ADGRF3: variants seen among roughly 807,000 people sequenced by gnomAD.
The protein encoded by ADGRF3 is adhesion G protein-coupled receptor F3.
Under a neutral mutation model 93.2 loss-of-function variants are expected in ADGRF3, and 85 were observed. The ratio of observed to expected loss-of-function variants is 0.91; its 90% confidence interval spans 0.77 to 1.09. ADGRF3 has a LOEUF of 1.09. Among genes scored for constraint, ADGRF3 ranks in the 50% least tolerant of loss-of-function variants. The pLI is 0.00. For synonymous variants in ADGRF3, 534 were observed against 532.5 expected, an observed-to-expected ratio of 1.00 and a Z score of -0.04; for missense variants, 1,125 against 1,246.2, an observed-to-expected ratio of 0.90 and a Z score of 1.46.
At chr2:26,323,633 G>T (rs371334785) in intron 1 of ADGRF3, among the ~76,000 whole-genome samples, 29 of 138,862 alleles carry the variant, frequency 2.1e-4, no homozygotes, top group East Asian at 4.3e-4. Flanking sequence ...TTCTGTGTTT[G>T]TTTTTTTTTT....
In ADGRF3 at chr2:26,310,679, C is replaced by G; in HGVS notation, c.2832+13G>C. On this transcript the variant is annotated intron_variant, in intron 10 of 13. Coordinates refer to ENST00000651242, the MANE Select transcript of ADGRF3 (RefSeq NM_001321971.2). ...AAAAAAGCAAAAAACACAGCCACCC[C>G]CCTATCACCTACCTGGAGGGTGTTG... 5.0e-6 allele frequency: 8 copies of G among 1,604,010 alleles called. No homozygotes were observed. The highest frequency in any genetic ancestry group is 6.8e-6 in the Non-Finnish European group (8 of 1,175,314).
At position 26,314,413 on chromosome 2, in the gene ADGRF3, C is replaced by A. The variant is rs1395989685; in HGVS notation, c.928+1G>T. ...CCCTGACTGCTGGCCCCTTCTCATA[C>A]CTTTGCTGCCCTCTCCAGGGCTCCA... On this transcript the variant is annotated splice_donor_variant, in intron 6 of 13. Transcript: ENST00000651242. LOFTEE classifies it high-confidence loss of function. 1 of 1,611,802 alleles carries A rather than the reference C, an allele frequency of 6.2e-7. No homozygotes were observed. The highest frequency in any genetic ancestry group is 1.7e-5 in the Admixed American group (1 of 59,964).
rs1272083011 is a variant in ADGRF3 at position 26,317,007 on chromosome 2, G to T, written c.230C>A (p.Thr77Asn). ...TGTCCTGGAGAGTTCAGGGGGCCAG[G>T]TCTTATCTGGAAAGTCCAGATGTAC... Reference protein sequence around the residue: ...VYVHLDFPDKTWPPELSRTLT... With the variant: ...VYVHLDFPDKNWPPELSRTLT... Residue 77 changes from threonine (T) to asparagine (N), a missense_variant, in exon 3 of 14, where the codon ACC (threonine) becomes AAC (asparagine). Physicochemically the swap from Thr to Asn is moderately conservative, Grantham distance 65. Transcript: ENST00000651242. The T allele has an allele frequency of 6.2e-7, 1 of 1,613,016 alleles. No individual in the cohort carries two copies. Among genetic ancestry groups the T allele is most frequent in the African/African-American group, 1.3e-5 (1 of 74,976 alleles).
At chr2:26,319,123 A>G in intron 1 of ADGRF3, 1 of 1,462,586 alleles carries the variant, frequency 6.8e-7, no homozygotes, top group African/African-American at 1.4e-5. Context: ...CAGTGTGCAG[A>G]TGGGATGGGA....
Position 26,309,614 on chromosome 2 carries a change from C to A in ADGRF3, c.2938-33G>T, listed in dbSNP as rs765883598. The stretch of plus-strand genomic sequence containing the variant: ...GGGGTGGGAAGGCCCAATTGCAGGG[C>A]AGTTATTAGTATTGTCAACTCTCCC... On this transcript the variant is annotated intron_variant, in intron 12 of 13. Transcript: ENST00000651242. The A allele has an allele frequency of 2.5e-6, 4 of 1,606,984 alleles. No homozygotes were observed. The Admixed American group carries it at 5.1e-5, about 20-fold the overall frequency.
At chr2:26,341,571 A>C (rs564896051) in intron 1 of ADGRF3, among the ~76,000 whole-genome samples, 1 of 152,134 alleles carries the variant, frequency 6.6e-6, no homozygotes, top group African/African-American at 2.4e-5. Flanking sequence ...ATTCTTACCT[A>C]AGAGGATTAT....
rs758448360 is a variant in ADGRF3, at chr2:26,314,505, A to G, written c.837T>C (p.Cys279=). ...TCAGCTGGAAGCCAGGGGAGGTGGC[A>G]CAGGAGATGGACAGCTGGTATGGAA... ...ARLPYQLSIS[C]ATSPGFQLSC... is the part of the protein sequence containing the mutation. Residue 279 remains cysteine (C), a synonymous_variant, in exon 6 of 14, where the codon TGT becomes TGC. Transcript: ENST00000651242. 5.0e-6 allele frequency: 8 copies of G among 1,614,062 alleles called. No homozygotes were observed. The highest frequency in any genetic ancestry group is 2.2e-5 in the East Asian group (1 of 44,890).
intron 1 of ADGRF3, among the ~76,000 whole-genome samples, chr2:26,327,061 T>A (rs1364517065): frequency 1.3e-5 from 2 of 152,240 alleles, no homozygotes; most frequent in African/African-American, 2.4e-5. Flanking sequence ...TGAGCCACCA[T>A]GCTTGGCCAA....
chr2:26,339,494 TCAAA>T lies in ADGRF3; in HGVS notation c.114+6623_114+6626del, dbSNP rs1676250415. ...CTGGGTGACAGAGTGAGAATCTGAC[TCAAA>T]CAAACAAACCAACAAAACAAAACAA... On this transcript the variant is annotated intron_variant, in intron 1 of 13. Transcript: ENST00000651242. Among the ~76,000 whole-genome samples, 5 of 152,228 alleles carry T rather than the reference TCAAA, an allele frequency of 3.3e-5. 1 individual carries two copies. In the South Asian group the frequency reaches 1.0e-3, roughly 32 times the overall value.
Position 26,311,381 on chromosome 2 carries a change from G to A in ADGRF3, c.2143C>T (p.Leu715=), listed in dbSNP as rs756202352. The change falls in exon 10 of 14, where the codon CTG becomes TTG. Residue 715 remains leucine, a synonymous_variant. Transcript: ENST00000651242. ...LTQVGLGASI[L]ALLVCLGVYW... is the part of the protein sequence containing the mutation. ...ACACCCAGGCACACAAGCAGCGCCA[G>A]TATGGAAGCTCCCAAGCCCACTTGA... 2.5e-6 allele frequency: 4 copies of A among 1,614,032 alleles called. No homozygotes were observed. The highest frequency in any genetic ancestry group is 1.7e-5 in the Admixed American group (1 of 60,028).
chr2:26,317,323 C>A (rs1284592762), intron 2 of ADGRF3, among the ~76,000 whole-genome samples, 173 bp downstream of exon 2: 1 of 152,174 alleles, frequency 6.6e-6, no homozygotes, highest in Non-Finnish European at 1.5e-5. Flanking sequence ...ATTTCCAGGC[C>A]TCTCCGCTAG....
At chr2:26,315,851 C>A (rs1164915290) in intron 4 of ADGRF3, 111 bp from the exon 5 acceptor site, 2 of 1,452,278 alleles carry the variant, frequency 1.4e-6, no homozygotes, top group Non-Finnish European at 1.8e-6. Flanking sequence ...CACACTCCCT[C>A]CCTAGCTTTT....
intron 1 of ADGRF3, among the ~76,000 whole-genome samples, chr2:26,345,019 A>T (rs1215128821): frequency 6.6e-6 from 1 of 152,188 alleles, no homozygotes; most frequent in Non-Finnish European, 1.5e-5. Flanking sequence ...CCCTTATTTC[A>T]GAGACCCAGA....
chr2:26,316,993 G>C lies in ADGRF3; in HGVS notation c.244C>G (p.Leu82Val), dbSNP rs1674755946. 1.5e-5 allele frequency: 24 copies of C among 1,613,138 alleles called. No individual in the cohort carries two copies. Among genetic ancestry groups the C allele is most frequent in the Non-Finnish European group, 2.0e-5 (24 of 1,179,618 alleles). The change falls in exon 3 of 14, where the codon CTC becomes GTC. Residue 82 changes from leucine (L) to valine (V), a missense_variant. By Grantham distance (32) the Leu-to-Val change is conservative (BLOSUM62 1). Coordinates refer to ENST00000651242, the MANE Select transcript of ADGRF3 (RefSeq NM_001321971.2). ...GCAGGGAGAGTCAGTGTCCTGGAGA[G>C]TTCAGGGGGCCAGGTCTTATCTGGA... ...DFPDKTWPPE[L>V]SRTLTLPAAS... is the part of the protein sequence containing the mutation.
At chr2:26,326,420 T>C (rs1675436886) in intron 1 of ADGRF3, among the ~76,000 whole-genome samples, 1 of 152,126 alleles carries the variant, frequency 6.6e-6, no homozygotes, top group Non-Finnish European at 1.5e-5. Flanking sequence ...ACAGAAAATA[T>C]ATCCTTCTGG....
intron 1 of ADGRF3, among the ~76,000 whole-genome samples, chr2:26,326,237 G>C (rs973215651): frequency 6.6e-6 from 1 of 152,176 alleles, no homozygotes; most frequent in Non-Finnish European, 1.5e-5. Flanking sequence ...GACAAGTATG[G>C]AGGACTGGCC....
intron 1 of ADGRF3, among the ~76,000 whole-genome samples, chr2:26,330,237 C>T (rs1438157610): frequency 1.3e-5 from 2 of 152,234 alleles, no homozygotes; most frequent in East Asian, 1.9e-4. Flanking sequence ...GATGGATGGT[C>T]GATCTCTTAG....
At position 26,315,571 on chromosome 2, in the gene ADGRF3, G is replaced by C. The variant is rs1239037911; in HGVS notation, c.669C>G (p.Ser223Arg). Residue 223 changes from serine to arginine, a missense_variant, in exon 5 of 14, where the codon AGC becomes AGG. Coordinates refer to ENST00000651242, the MANE Select transcript of ADGRF3 (RefSeq NM_001321971.2). Reference sequence around the variant, plus strand: ...AGACGCTGAGGGCAGCCTGGCCGTGGCTGGAAGTCACAGACACCTGTGTCC... The same window carrying C: ...AGACGCTGAGGGCAGCCTGGCCGTGCCTGGAAGTCACAGACACCTGTGTCC... ...QPGTQVSVTS[S>R]HGQAALSVSN... is the part of the protein sequence containing the mutation. 1 of 1,551,442 alleles carries C rather than the reference G, an allele frequency of 6.4e-7. No homozygotes were observed. Among genetic ancestry groups the C allele is most frequent in the African/African-American group, 1.4e-5 (1 of 73,048 alleles).
chr2:26,342,997 GAC>G (rs1272109936), intron 1 of ADGRF3, among the ~76,000 whole-genome samples: 1 of 152,176 alleles, frequency 6.6e-6, no homozygotes, highest in African/African-American at 2.4e-5. Context: ...AAGCCAGTAA[GAC>G]AGTTAGTTAT....
Sources: allele counts gnomAD v4.1 joint callset (sites outside exome capture counted in the v4.1 genomes callset), GRCh38; gene constraint gnomAD v4.1.1; transcripts MANE v1.5; gene names NCBI Gene and HGNC (gene_info 2026-07-23, HGNC 2026-07-21).